Variants in TRIM42 observed in about 807,000 individuals in gnomAD.
The protein encoded by TRIM42 is tripartite motif-containing protein 42.
Under a neutral mutation model 64.9 loss-of-function variants are expected in TRIM42, and 59 were observed. That is an observed-to-expected ratio of 0.91 (90% CI 0.74 to 1.13). The LOEUF is 1.13. Ranked by LOEUF, TRIM42 falls within the 50% of genes most tolerant of loss-of-function variation. The pLI, the probability that TRIM42 is intolerant of heterozygous loss-of-function variation, is 0.00. For synonymous variants in TRIM42, 354 were observed against 346.3 expected, an observed-to-expected ratio of 1.02 and a Z score of -0.25; for missense variants, 878 against 929.5, an observed-to-expected ratio of 0.94 and a Z score of 0.72.
chr3:140,694,718 T>C (rs141653870), intron 4 of TRIM42, among the ~76,000 whole-genome samples: 1 of 152,362 alleles, frequency 6.6e-6, no homozygotes, highest in East Asian at 1.9e-4. Flanking sequence ...TCAGCCATAT[T>C]GCATTCCTTC....
rs141445840 is a variant in TRIM42, at chr3:140,684,344, G to A, written c.1039+1185G>A. Among the ~76,000 whole-genome samples the A allele has an allele frequency of 1.1e-4, 16 of 152,284 alleles. No homozygotes were observed. The East Asian group carries it at 2.9e-3, about 28-fold the overall frequency. On this transcript the variant is annotated intron_variant, in intron 2 of 4. Coordinates refer to ENST00000286349, the MANE Select transcript of TRIM42 (RefSeq NM_152616.5). ...GAATCTGAAGATGAAGAGATTGAAG[G>A]GGAGGGAAGGGGAACCACCACTACC...
At chr3:140,679,848 G>T (rs1191306481) in intron 1 of TRIM42, among the ~76,000 whole-genome samples, 1 of 152,030 alleles carries the variant, frequency 6.6e-6, no homozygotes, top group African/African-American at 2.4e-5. Flanking sequence ...GTCACCTGAG[G>T]ATCTTTTAAA....
In TRIM42 at chr3:140,700,973, G is replaced by C; in HGVS notation, c.2171G>C (p.Ter724SerextTer53). 1 of 1,613,896 alleles carries C rather than the reference G, an allele frequency of 6.2e-7. No homozygotes were observed. The highest frequency in any genetic ancestry group is 8.5e-7 in the Non-Finnish European group (1 of 1,179,856). Reference sequence around the variant, plus strand: ...CAGTCTGCCCTCCAGAAGCACTTCTGAGCCCCTTCAGAGCAGGAAACAACC... The same window carrying C: ...CAGTCTGCCCTCCAGAAGCACTTCTCAGCCCCTTCAGAGCAGGAAACAACC... ...NIQSALQKHF[*>S] The change falls in exon 5 of 5, where the codon TGA becomes TCA. Residue 724 changes from the stop codon to serine (S), a stop_lost. Transcript: ENST00000286349.
chr3:140,684,311 A>G (rs1326153865), intron 2 of TRIM42, among the ~76,000 whole-genome samples: 1 of 152,204 alleles, frequency 6.6e-6, no homozygotes, highest in East Asian at 1.9e-4. Context: ...TGTGCTAAGC[A>G]GTGACCAGAA....
chr3:140,686,098 A>T lies in TRIM42; in HGVS notation c.1040-1624A>T, dbSNP rs181774842. Among the ~76,000 whole-genome samples the T allele has an allele frequency of 7.9e-5, 12 of 152,230 alleles. No homozygotes were observed. The South Asian group carries it at 2.3e-3, about 29-fold the overall frequency. ...CTCCTGGAGATGCCTTTTTCCTCTCATCTAAGAAATTTTTATCCTGCTTCT... is the reference window on the plus strand; with the variant it reads ...CTCCTGGAGATGCCTTTTTCCTCTCTTCTAAGAAATTTTTATCCTGCTTCT... On this transcript the variant is annotated intron_variant, in intron 2 of 4. Transcript: ENST00000286349.
intron 2 of TRIM42, among the ~76,000 whole-genome samples, chr3:140,687,128 G>T (rs113796507): frequency 6.6e-6 from 1 of 152,180 alleles, no homozygotes; most frequent in South Asian, 2.1e-4. Flanking sequence ...TGAAAGGAGT[G>T]GGGGAAAGGC....
rs1553763786 is a variant in TRIM42, at chr3:140,692,530, T to TACAC, written c.2085+1368_2085+1371dup. 8.8e-3 allele frequency among the ~76,000 whole-genome samples: 959 copies of TACAC among 108,484 alleles called. 26 individuals carry two copies. The highest frequency in any genetic ancestry group is 0.087 in the East Asian group (323 of 3,720). The allele number at this position is 108,484 out of a possible 152,430, so 71.2% of individuals were successfully genotyped here. A position where few individuals can be genotyped will look rare whatever the true frequency, so the allele number is the denominator to read the frequency against. ...CCATGGACACACACACACATACACATACACACACACACACACACACACACA... is the reference window on the plus strand; with the variant it reads ...CCATGGACACACACACACATACACATACACACACACACACACACACACACACACA... On this transcript the variant is annotated intron_variant, in intron 4 of 4. Transcript: ENST00000286349.
At chr3:140,697,747 G>A (rs1033074249) in intron 4 of TRIM42, among the ~76,000 whole-genome samples, 1 of 152,148 alleles carries the variant, frequency 6.6e-6, no homozygotes, top group Non-Finnish European at 1.5e-5. Flanking sequence ...GCAGTGGCGC[G>A]ATCTCGGCTC....
rs1988985599 is a variant in TRIM42 at position 140,700,950 on chromosome 3, G to C, written c.2148G>C (p.Gln716His). The change falls in exon 5 of 5, where the codon CAG (glutamine) becomes CAC (histidine). Residue 716 changes from glutamine (Q) to histidine (H), a missense_variant. Transcript: ENST00000286349. ...RAKWGLLKNI[Q>H]SALQKHF ...AGTGGGGCCTGCTGAAGAATATCCA[G>C]TCTGCCCTCCAGAAGCACTTCTGAG... is the stretch of plus-strand genomic sequence containing the variant. 3 of 1,613,954 alleles carry C rather than the reference G, an allele frequency of 1.9e-6. No homozygotes were observed.
chr3:140,682,554 A>G lies in TRIM42; in HGVS notation c.434A>G (p.Asn145Ser), dbSNP rs1988428082. The change falls in exon 2 of 5, where the codon AAT (asparagine) becomes AGT (serine). Residue 145 changes from asparagine to serine, a missense_variant. Coordinates refer to ENST00000286349, the MANE Select transcript of TRIM42 (RefSeq NM_152616.5). The part of the protein sequence containing the change: ...PANSHLVNHL[N>S]CPMCSRLRLH... Reference sequence around the variant, plus strand: ...AACAGTCACCTGGTGAACCACCTCAATTGCCCCATGTGCAGCCGGCTGCGC... The same window carrying G: ...AACAGTCACCTGGTGAACCACCTCAGTTGCCCCATGTGCAGCCGGCTGCGC... 7 of 1,614,070 alleles carry G rather than the reference A, an allele frequency of 4.3e-6. No homozygotes were observed. The highest frequency in any genetic ancestry group is 2.7e-5 in the African/African-American group (2 of 74,946).
In TRIM42 at chr3:140,680,482, C is replaced by A. The variant is rs924511693; in HGVS notation, c.341+1912C>A. Among the ~76,000 whole-genome samples the A allele has an allele frequency of 2.0e-5, 3 of 152,134 alleles. 1 individual carries two copies. The highest frequency in any genetic ancestry group is 7.2e-5 in the African/African-American group (3 of 41,404). Reference sequence around the variant, plus strand: ...CTCATCCTCCAACACCTCCCTCCCCCACTTCTTCTTTCTTTTTTGTGAAAA... The same window carrying A: ...CTCATCCTCCAACACCTCCCTCCCCAACTTCTTCTTTCTTTTTTGTGAAAA... On this transcript the variant is annotated intron_variant, in intron 1 of 4. Coordinates refer to ENST00000286349, the MANE Select transcript of TRIM42 (RefSeq NM_152616.5).
chr3:140,683,185 C>A, intron 2 of TRIM42, 26 bp downstream of exon 2: 1 of 1,609,564 alleles, frequency 6.2e-7, no homozygotes, highest in Non-Finnish European at 8.5e-7. Flanking sequence ...ACTCCTTCAG[C>A]CTAACTTCTA....
In TRIM42 at chr3:140,682,781, G is replaced by T. The variant is rs761876957; in HGVS notation, c.661G>T (p.Glu221Ter). ...GCGTCTCACCAAGCGCTACATGCAG[G>T]AGCACGGCTACCTCAAGTGGCGCTT... ...HGRLTKRYMQ[E>*]HGYLKWRFDR... The change falls in exon 2 of 5, where the codon GAG becomes TAG. Residue 221 changes from glutamate (E) to a stop codon, truncating the protein, a stop_gained. Coordinates refer to ENST00000286349, the MANE Select transcript of TRIM42 (RefSeq NM_152616.5). LOFTEE classifies it high-confidence loss of function. 1 of 1,613,528 alleles carries T rather than the reference G, an allele frequency of 6.2e-7. No homozygotes were observed. Among genetic ancestry groups the T allele is most frequent in the South Asian group, 1.1e-5 (1 of 91,084 alleles).
At chr3:140,692,563 A>ACACACACAGC (rs1553763787) in intron 4 of TRIM42, among the ~76,000 whole-genome samples, 2 of 40,268 alleles carry the variant, frequency 5.0e-5, no homozygotes, top group Non-Finnish European at 1.5e-4. Flanking sequence ...ACACACACAC[A>ACACACACAGC]GAGAGAGATA....
intron 2 of TRIM42, among the ~76,000 whole-genome samples, chr3:140,684,596 AGTAGCTTCAGGAATACCT>A (rs1387969222): frequency 6.6e-6 from 1 of 152,222 alleles, no homozygotes; most frequent in Non-Finnish European, 1.5e-5. Flanking sequence ...CGGACCTCTC[AGTAGCTTCAGGAATACCT>A]TAATTTTTCT....
At chr3:140,690,261 A>AT (rs543860529) in intron 3 of TRIM42, among the ~76,000 whole-genome samples, 1 of 152,024 alleles carries the variant, frequency 6.6e-6, no homozygotes, top group Non-Finnish European at 1.5e-5. Flanking sequence ...TATCATAGAG[A>AT]TTTTTTAAAC....
chr3:140,698,962 G>A (rs552323674), intron 4 of TRIM42, among the ~76,000 whole-genome samples: 3 of 151,932 alleles, frequency 2.0e-5, no homozygotes, highest in Admixed American at 6.6e-5. Flanking sequence ...TGATATTAAC[G>A]TTTCTCCATT....
intron 4 of TRIM42, among the ~76,000 whole-genome samples, chr3:140,692,895 C>T (rs1160765746): frequency 6.6e-6 from 1 of 152,192 alleles, no homozygotes; most frequent in African/African-American, 2.4e-5. Flanking sequence ...TTTTCAGATG[C>T]CAGGGAAAGA....
intron 4 of TRIM42, among the ~76,000 whole-genome samples, chr3:140,696,771 T>A (rs566963436): frequency 6.6e-6 from 1 of 152,302 alleles, no homozygotes; most frequent in South Asian, 2.1e-4. Context: ...TTTCCTCTTC[T>A]TATAAAGACA....
Sources: gnomAD v4.1 joint callset for allele counts (sites outside exome capture counted in the v4.1 genomes callset) on GRCh38, gnomAD v4.1.1 for gene constraint, MANE v1.5 for transcripts, NCBI Gene and HGNC (gene_info 2026-07-23, HGNC 2026-07-21) for gene names.